The following ABLIM1 variants were observed in gnomAD, a reference collection of about 807,000 sequenced individuals.
ABLIM1 encodes actin binding LIM protein 1, also known as actin-binding LIM protein 1.
In ABLIM1, 40 loss-of-function variants were observed where a neutral mutation model predicts 107.0. The observed-to-expected ratio is 0.37, with a 90% CI of 0.29 to 0.49. ABLIM1 has a LOEUF of 0.49. Among genes scored for constraint, ABLIM1 ranks in the 20% least tolerant of loss-of-function variants. The probability of loss-of-function intolerance (pLI) is 0.97; values close to 1 mark genes in which losing one functional copy is unlikely to be tolerated. For synonymous variants in ABLIM1, 357 were observed against 357.3 expected (o/e 1.00, Z 0.01); for missense variants, 857 against 1,008.5 (o/e 0.85, Z 2.04).
At chr10:114,473,783 C>A in intron 9 of ABLIM1, 96 bp downstream of exon 9, 1 of 922,682 alleles carries the variant, frequency 1.1e-6, no homozygotes, top group South Asian at 1.6e-5. Context: ...ATAGAAATCA[C>A]TTTGAATCAG....
intron 12 of ABLIM1, among the ~76,000 whole-genome samples, chr10:114,462,300 C>T (rs1003347170): frequency 6.6e-6 from 1 of 152,176 alleles, no homozygotes; most frequent in African/African-American, 2.4e-5. Flanking sequence ...AAATCAAGTT[C>T]GCACCATTCT....
At chr10:114,661,762 G>A (rs1339144459), upstream of ABLIM1, among the ~76,000 whole-genome samples, 4 of 152,152 alleles carry the variant, frequency 2.6e-5, no homozygotes, top group Admixed American at 6.5e-5. Flanking sequence ...AATCTTTCTA[G>A]AAGCAGTTCC....
intron 6 of ABLIM1, among the ~76,000 whole-genome samples, chr10:114,512,780 G>A (rs982063317): frequency 7.3e-5 from 11 of 151,362 alleles, no homozygotes; most frequent in African/African-American, 1.7e-4. Context: ...AGCCGAGATC[G>A]TGCCACTGCA....
chr10:114,483,483 C>G (rs1303209240), intron 8 of ABLIM1, among the ~76,000 whole-genome samples: 4 of 152,160 alleles, frequency 2.6e-5, no homozygotes, highest in African/African-American at 9.6e-5. Context: ...TGCCATATTG[C>G]CCAGGCTGGT....
At chr10:114,584,237 G>C (rs1412453448) in intron 2 of ABLIM1, among the ~76,000 whole-genome samples, 3 of 152,182 alleles carry the variant, frequency 2.0e-5, no homozygotes, top group Non-Finnish European at 4.4e-5. Context: ...CTGGGCTGGA[G>C]CAAACGCAGG....
intron 8 of ABLIM1, among the ~76,000 whole-genome samples, chr10:114,475,833 A>T (rs1296223960): frequency 6.6e-6 from 1 of 152,176 alleles, no homozygotes. Context: ...CTGCAGAGAA[A>T]ACTCAAGGCC....
intron 1 of ABLIM1, 88 bp downstream of exon 1, chr10:114,657,869 A>G: frequency 8.8e-7 from 1 of 1,141,282 alleles, no homozygotes; most frequent in South Asian, 1.5e-5. Flanking sequence ...TGAAGAACAC[A>G]TTACAGAAGA....
At chr10:114,468,449 T>A (rs1183700229) in intron 10 of ABLIM1, among the ~76,000 whole-genome samples, 2 of 151,992 alleles carry the variant, frequency 1.3e-5, no homozygotes, top group Non-Finnish European at 2.9e-5. Flanking sequence ...ACTTTTTTTG[T>A]ATTTTTAGTA....
rs549358147 is a variant in ABLIM1, at chr10:114,437,982, GA to G, written c.2143-59del. On this transcript the variant is annotated intron_variant, in intron 21 of 22. Coordinates refer to ENST00000533213, the MANE Select transcript of ABLIM1 (RefSeq NM_002313.7). ...CCACAGTCCATTTTATTAACAAGCA[GA>G]ATCCACCTAAACGCTAGTACTCCCA... is the stretch of plus-strand genomic sequence containing the variant. The G allele has an allele frequency of 5.7e-4, 861 of 1,504,964 alleles. 3 individuals carry two copies. In the African/African-American group the frequency reaches 0.011, roughly 20 times the overall value. 93.2% of individuals were successfully genotyped at this position (1,504,964 alleles called of 1,614,324 possible). A position where few individuals can be genotyped will look rare whatever the true frequency, so the allele number is the denominator to read the frequency against.
intron 2 of ABLIM1, among the ~76,000 whole-genome samples, chr10:114,598,274 C>CAAAAAAA (rs58133284): frequency 1.6e-4 from 10 of 63,752 alleles, no homozygotes; most frequent in South Asian, 6.9e-4. Flanking sequence ...AACTCCATCT[C>CAAAAAAA]AAAAAAAAAA....
intron 12 of ABLIM1, among the ~76,000 whole-genome samples, chr10:114,455,414 T>G (rs986965194): frequency 2.0e-5 from 3 of 152,204 alleles, no homozygotes; most frequent in African/African-American, 7.2e-5. Flanking sequence ...AAAAGCTAAT[T>G]TATAAAAATG....
chr10:114,573,468 T>C (rs367730601), intron 3 of ABLIM1, among the ~76,000 whole-genome samples: 4 of 152,210 alleles, frequency 2.6e-5, no homozygotes, highest in East Asian at 3.8e-4. Context: ...GACAGGGCCA[T>C]AGTTAATAAA....
chr10:114,453,274 G>T, intron 13 of ABLIM1, 105 bp downstream of exon 13: 1 of 1,244,390 alleles, frequency 8.0e-7, no homozygotes, highest in East Asian at 2.4e-5. Flanking sequence ...TTTGTTAACT[G>T]TGCATCCCAA....
chr10:114,634,123 A>ATTTTTCT (rs1555212561), intron 1 of ABLIM1, among the ~76,000 whole-genome samples: 4 of 68,222 alleles, frequency 5.9e-5, no homozygotes, highest in Non-Finnish European at 1.2e-4. Context: ...CATTAGCTCA[A>ATTTTTCT]TTTTTCTTTT....
chr10:114,482,534 TGCTTTGGA>T (rs541441746), intron 8 of ABLIM1, among the ~76,000 whole-genome samples: 139 of 152,330 alleles, frequency 9.1e-4, no homozygotes, highest in African/African-American at 3.0e-3. Flanking sequence ...AGAACTGCAT[TGCTTTGGA>T]GTTTTCTGGA....
chr10:114,748,323 G>A (rs1051171978), intron 1 of ABLIM1, among the ~76,000 whole-genome samples: 3 of 152,014 alleles, frequency 2.0e-5, no homozygotes, highest in Non-Finnish European at 2.9e-5. Context: ...TACCATCTGC[G>A]GTTGGCCAGC....
At chr10:114,680,428 C>T (rs2080697108) in intron 1 of ABLIM1, among the ~76,000 whole-genome samples, 1 of 152,238 alleles carries the variant, frequency 6.6e-6, no homozygotes, top group South Asian at 2.1e-4. Context: ...GCATGCTTTC[C>T]TTCTACAAGT....
chr10:114,596,063 C>A (rs2075384225), intron 2 of ABLIM1, among the ~76,000 whole-genome samples: 2 of 152,188 alleles, frequency 1.3e-5, no homozygotes, highest in Admixed American at 1.3e-4. Context: ...ACCCAGGCAG[C>A]TCAGCTGGAC....
intron 1 of ABLIM1, among the ~76,000 whole-genome samples, chr10:114,728,492 T>C (rs918122240): frequency 1.2e-4 from 10 of 86,624 alleles, no homozygotes; most frequent in African/African-American, 4.5e-4. Context: ...AATAATGACA[T>C]AGTCATAAAA....
Sources: allele counts gnomAD v4.1 joint callset (sites outside exome capture counted in the v4.1 genomes callset), GRCh38; gene constraint gnomAD v4.1.1; transcripts MANE v1.5; gene names NCBI Gene and HGNC (gene_info 2026-07-23, HGNC 2026-07-21).